The following QRFPR variants were observed in gnomAD, a reference collection of about 807,000 sequenced individuals.
QRFPR encodes pyroglutamylated RF-amide peptide receptor.
In QRFPR, 37 loss-of-function variants were observed where a neutral mutation model predicts 31.3. That is an observed-to-expected ratio of 1.18 (90% CI 0.91 to 1.56). QRFPR has a LOEUF of 1.56. Among genes scored for constraint, QRFPR ranks in the 40% most tolerant of loss-of-function variants. QRFPR has a pLI of 0.00. For missense variants in QRFPR, 542 were observed against 532.5 expected, an observed-to-expected ratio of 1.02 and a Z score of -0.18; for synonymous variants, 197 against 192.0, an observed-to-expected ratio of 1.03 and a Z score of -0.22.
intron 1 of QRFPR, among the ~76,000 whole-genome samples, chr4:121,343,205 G>A (rs143564050): frequency 6.6e-6 from 1 of 152,158 alleles, no homozygotes; most frequent in Non-Finnish European, 1.5e-5. Flanking sequence ...AGCCTTCTGT[G>A]CTAGACTTTT....
In QRFPR at chr4:121,365,562, ATATTATATAT is replaced by A. The variant is rs1560743759; in HGVS notation, c.340+14736_340+14745del. ...ATATATTATATATAATATATAATAT[ATATTATATAT>A]AATATATATTATATATATTATATAT... On this transcript the variant is annotated intron_variant, in intron 1 of 5. Transcript: ENST00000394427. Among the ~76,000 whole-genome samples the A allele has an allele frequency of 8.3e-3, 49 of 5,880 alleles. 7 individuals carry two copies. The highest frequency in any genetic ancestry group is 0.023 in the Admixed American group (5 of 216). The allele number at this position is 5,880 out of a possible 152,430, so 3.9% of individuals were successfully genotyped here.
Position 121,380,694 on chromosome 4 carries a change from C to T in QRFPR, c.-47G>A. 2.1e-6 allele frequency: 3 copies of T among 1,453,932 alleles called. No individual in the cohort carries two copies. Among genetic ancestry groups the T allele is most frequent in the Non-Finnish European group, 2.7e-6 (3 of 1,094,344 alleles). The allele number at this position is 1,453,932 out of a possible 1,614,324, so 90.1% of individuals were successfully genotyped here. ...GGGGCCACCGCCCGCTACTGGCTGG[C>T]CATCCGCATCTGCGGGGCAGCGAGG... On this transcript the variant is annotated 5_prime_UTR_variant, in exon 1 of 6. Transcript: ENST00000394427.
chr4:121,345,352 CACG>C (rs1725623037), intron 1 of QRFPR, among the ~76,000 whole-genome samples: 3 of 152,222 alleles, frequency 2.0e-5, no homozygotes, highest in Non-Finnish European at 4.4e-5. Flanking sequence ...TCTTCAGCTT[CACG>C]CTGATCCTGT....
At chr4:121,361,317 C>T (rs897787770) in intron 1 of QRFPR, among the ~76,000 whole-genome samples, 1 of 149,800 alleles carries the variant, frequency 6.7e-6, no homozygotes, top group Admixed American at 6.6e-5. Context: ...CATTCTGCAC[C>T]CTCCTTGGTA....
At chr4:121,369,381 G>A in intron 1 of QRFPR, 2 of 684,454 alleles carry the variant, frequency 2.9e-6, no homozygotes, top group South Asian at 1.8e-5. Flanking sequence ...TAAAAGGGCA[G>A]TGGAGTGCAA....
chr4:121,334,182 G>C (rs992882033), intron 3 of QRFPR, among the ~76,000 whole-genome samples: 2 of 152,152 alleles, frequency 1.3e-5, no homozygotes, highest in Non-Finnish European at 2.9e-5. Context: ...TGCTGAACTG[G>C]AAGTCTTGGA....
At chr4:121,373,183 A>T (rs1726284313) in intron 1 of QRFPR, among the ~76,000 whole-genome samples, 1 of 152,208 alleles carries the variant, frequency 6.6e-6, no homozygotes. Context: ...AATTCATTTT[A>T]TGCCTCCTAA....
At chr4:121,335,580 G>GC (rs1443196712) in intron 3 of QRFPR, among the ~76,000 whole-genome samples, 5 of 83,474 alleles carry the variant, frequency 6.0e-5, no homozygotes, top group South Asian at 9.6e-4. Flanking sequence ...ATGGGGGGTG[G>GC]GGGGTGGGGC....
At position 121,380,186 on chromosome 4, in the gene QRFPR, G is replaced by GGAGAGAGAGA. The variant is rs70950816; in HGVS notation, c.340+112_340+121dup. 601 of 235,146 alleles carry GGAGAGAGAGA rather than the reference G, an allele frequency of 2.6e-3. 20 individuals carry two copies. Among genetic ancestry groups the GGAGAGAGAGA allele is most frequent in the Admixed American group, 5.9e-3 (53 of 8,934 alleles). The allele number at this position is 235,146 out of a possible 1,614,324, so 14.6% of individuals were successfully genotyped here. Reference sequence around the variant, plus strand: ...GAGAGAGAGACAGACAGACGAGAGAGGAGAGAGAGAGAGAGAGAGAGAGAG... The same window carrying GGAGAGAGAGA: ...GAGAGAGAGACAGACAGACGAGAGAGGAGAGAGAGAGAGAGAGAGAGAGAGAGAGAGAGAG... On this transcript the variant is annotated intron_variant, in intron 1 of 5. Coordinates refer to ENST00000394427, the MANE Select transcript of QRFPR (RefSeq NM_198179.3).
chr4:121,371,988 G>A lies in QRFPR; in HGVS notation c.340+8320C>T, dbSNP rs576668821. ...AAGAGCAAGATGACTGACAGTATGG[G>A]CAATGGGTTGCCCTGCTGGGGAGGA... On this transcript the variant is annotated intron_variant, in intron 1 of 5. Transcript: ENST00000394427. Among the ~76,000 whole-genome samples, 38 of 152,354 alleles carry A rather than the reference G, an allele frequency of 2.5e-4. 1 individual carries two copies. In the South Asian group the frequency reaches 6.2e-3, roughly 25 times the overall value.
At chr4:121,348,421 G>A (rs947135002) in intron 1 of QRFPR, among the ~76,000 whole-genome samples, 1 of 151,890 alleles carries the variant, frequency 6.6e-6, no homozygotes, top group African/African-American at 2.4e-5. Flanking sequence ...GTTCTTTTAA[G>A]ACTTCCTTCT....
At chr4:121,356,297 G>A (rs62319042) in intron 1 of QRFPR, among the ~76,000 whole-genome samples, 43,061 of 151,980 alleles carry the variant, frequency 0.28, 6,523 homozygotes, top group Middle Eastern at 0.38. Flanking sequence ...AAATTTCTCT[G>A]ATACAATTCT....
At chr4:121,335,578 T>TGGG (rs773427893) in intron 3 of QRFPR, among the ~76,000 whole-genome samples, 1 of 4,254 alleles carries the variant, frequency 2.4e-4, no homozygotes, top group African/African-American at 4.4e-4. Flanking sequence ...GTATGGGGGG[T>TGGG]GGGGGGTGGG....
intron 2 of QRFPR, among the ~76,000 whole-genome samples, chr4:121,337,689 TG>T (rs140800560): frequency 0.33 from 50,284 of 151,714 alleles, 8,785 homozygotes; most frequent in Middle Eastern, 0.49. Flanking sequence ...ACCTGTACGT[TG>T]TGCACATGTA....
intron 1 of QRFPR, among the ~76,000 whole-genome samples, chr4:121,354,198 T>C (rs1433111867): frequency 6.6e-6 from 1 of 152,136 alleles, no homozygotes. Flanking sequence ...TCTGGATCTT[T>C]TGTGGTTCCA....
intron 1 of QRFPR, among the ~76,000 whole-genome samples, chr4:121,367,004 G>A (rs1462891673): frequency 6.7e-6 from 1 of 149,918 alleles, no homozygotes; most frequent in South Asian, 2.1e-4. Flanking sequence ...ATTGTTTCAC[G>A]GTCACTCTCA....
chr4:121,367,112 T>C (rs6839915), intron 1 of QRFPR, among the ~76,000 whole-genome samples: 1 of 149,492 alleles, frequency 6.7e-6, no homozygotes, highest in Non-Finnish European at 1.5e-5. Flanking sequence ...ATGTCCATTA[T>C]CAAGGGAGGT....
rs918504482 is a variant in QRFPR, at chr4:121,350,032, G to C, written c.341-9422C>G. 2.6e-5 allele frequency among the ~76,000 whole-genome samples: 4 copies of C among 152,262 alleles called. No homozygotes were observed. In the South Asian group the frequency reaches 8.3e-4, roughly 32 times the overall value. On this transcript the variant is annotated intron_variant, in intron 1 of 5. Transcript: ENST00000394427. ...TTGAAGAAAGTGGAAAGGGAAGGAT[G>C]GTTAAAATGTAGTTATTGTCAAGGC...
At chr4:121,338,244 A>G (rs1374050376) in intron 2 of QRFPR, among the ~76,000 whole-genome samples, 5 of 152,134 alleles carry the variant, frequency 3.3e-5, no homozygotes, top group Non-Finnish European at 7.4e-5. Context: ...CTTATGTCCA[A>G]TCATTTTTCT....
Sources: allele counts gnomAD v4.1 joint callset (sites outside exome capture counted in the v4.1 genomes callset), GRCh38; gene constraint gnomAD v4.1.1; transcripts MANE v1.5; gene names NCBI Gene and HGNC (gene_info 2026-07-23, HGNC 2026-07-21).